Variants in RUNDC3B observed in about 807,000 individuals in gnomAD.
RUNDC3B encodes the protein RUN domain-containing protein 3B.
Under a neutral mutation model 58.4 loss-of-function variants are expected in RUNDC3B, and 33 were observed. The ratio of observed to expected loss-of-function variants is 0.56; its 90% confidence interval spans 0.43 to 0.75. The LOEUF is 0.75. RUNDC3B is among the 30% of genes least tolerant of loss of function. The pLI is 0.00. For synonymous variants in RUNDC3B, 193 were observed against 195.2 expected, an observed-to-expected ratio of 0.99 and a Z score of 0.10; for missense variants, 501 against 535.7, an observed-to-expected ratio of 0.94 and a Z score of 0.64.
At chr7:87,793,350 G>C (rs1219379218) in intron 8 of RUNDC3B, among the ~76,000 whole-genome samples, 2 of 151,890 alleles carry the variant, frequency 1.3e-5, no homozygotes, top group East Asian at 3.9e-4. Context: ...TGTGATACCA[G>C]AACCAGACAA....
chr7:87,635,977 A>G (rs190262534), intron 1 of RUNDC3B, among the ~76,000 whole-genome samples: 41 of 152,190 alleles, frequency 2.7e-4, no homozygotes, highest in Non-Finnish European at 5.4e-4. Context: ...ATATACCACA[A>G]TATTTCCATT....
intron 1 of RUNDC3B, among the ~76,000 whole-genome samples, chr7:87,633,482 G>C (rs1821429688): frequency 6.6e-6 from 1 of 152,176 alleles, no homozygotes. Flanking sequence ...AGTGGCCCCA[G>C]AAGATTATGT....
chr7:87,831,461 A>T lies in RUNDC3B; in HGVS notation c.*1431A>T, dbSNP rs1324904055. On this transcript the variant is annotated 3_prime_UTR_variant, in exon 11 of 11. Coordinates refer to ENST00000394654, the MANE Select transcript of RUNDC3B (RefSeq NM_001134405.2). ...AGTCTTTTATGTAAGACAGTCAAAC[A>T]GTGTCACTTCAGGGACAAAGGCCTG... 2.0e-5 allele frequency: 3 copies of T among 152,010 alleles called. No individual in the cohort carries two copies. The highest frequency in any genetic ancestry group is 4.4e-5 in the Non-Finnish European group (3 of 67,894). 9.4% of individuals were successfully genotyped at this position (152,010 alleles called of 1,614,324 possible).
intron 10 of RUNDC3B, among the ~76,000 whole-genome samples, chr7:87,823,770 T>A (rs1417574030): frequency 6.6e-6 from 1 of 151,264 alleles, no homozygotes. Context: ...TATGAATGAG[T>A]AGTATTCCAT....
intron 4 of RUNDC3B, among the ~76,000 whole-genome samples, chr7:87,722,550 G>A (rs1355154817): frequency 1.3e-5 from 2 of 152,198 alleles, no homozygotes; most frequent in African/African-American, 2.4e-5. Context: ...AAGAAAGTTA[G>A]TATGAGTGTA....
intron 9 of RUNDC3B, among the ~76,000 whole-genome samples, chr7:87,815,396 A>G (rs1313428844): frequency 6.6e-6 from 1 of 152,094 alleles, no homozygotes; most frequent in Non-Finnish European, 1.5e-5. Flanking sequence ...TTGTCCTGTT[A>G]TGTAAAATGT....
chr7:87,709,170 A>G, intron 3 of RUNDC3B: 2 of 765,226 alleles, frequency 2.6e-6, no homozygotes, highest in South Asian at 1.2e-4. Context: ...AATGCAGCCC[A>G]GTTTTGTATG....
chr7:87,754,574 A>G (rs1584111867), intron 6 of RUNDC3B, among the ~76,000 whole-genome samples: 1 of 152,308 alleles, frequency 6.6e-6, no homozygotes, highest in East Asian at 1.9e-4. Flanking sequence ...AGCAAAAGAC[A>G]ATAACCAAAA....
intron 8 of RUNDC3B, among the ~76,000 whole-genome samples, chr7:87,788,714 TTTTTTTCTTTTC>T (rs1835360892): frequency 6.6e-6 from 1 of 151,452 alleles, no homozygotes; most frequent in South Asian, 2.1e-4. Flanking sequence ...TTTTTTTTTT[TTTTTTTCTTTTC>T]TTTTTTTATT....
At chr7:87,756,539 T>G (rs1833384630) in intron 6 of RUNDC3B, among the ~76,000 whole-genome samples, 1 of 152,088 alleles carries the variant, frequency 6.6e-6, no homozygotes, top group Admixed American at 6.6e-5. Context: ...TTGGACTACA[T>G]TTAAACCAGA....
At chr7:87,644,837 A>C (rs1335692380) in intron 1 of RUNDC3B, among the ~76,000 whole-genome samples, 1 of 151,958 alleles carries the variant, frequency 6.6e-6, no homozygotes, top group Non-Finnish European at 1.5e-5. Flanking sequence ...TCTAATAAAA[A>C]CTATAGACAT....
intron 7 of RUNDC3B, among the ~76,000 whole-genome samples, chr7:87,773,698 G>T (rs2130875696): frequency 3.0e-5 from 3 of 99,898 alleles, no homozygotes; most frequent in Non-Finnish European, 6.0e-5. Flanking sequence ...TTTGTTTTGA[G>T]ATGGAGTCTC....
In RUNDC3B at chr7:87,660,323, A is replaced by T. The variant is rs531866209; in HGVS notation, c.238+9386A>T. 6.6e-5 allele frequency among the ~76,000 whole-genome samples: 10 copies of T among 152,014 alleles called. No individual in the cohort carries two copies. In the East Asian group the frequency reaches 1.9e-3, roughly 29 times the overall value. On this transcript the variant is annotated intron_variant, in intron 2 of 10. Transcript: ENST00000394654. ...TCAGGTTGTTGATTTCTTTGATGTTATTCTATTTTGTATTCTCCTTAAAGT... is the reference window on the plus strand; with the variant it reads ...TCAGGTTGTTGATTTCTTTGATGTTTTTCTATTTTGTATTCTCCTTAAAGT...
intron 7 of RUNDC3B, among the ~76,000 whole-genome samples, chr7:87,773,215 C>T (rs993824012): frequency 2.7e-5 from 4 of 149,812 alleles, no homozygotes; most frequent in East Asian, 2.0e-4. Context: ...CCCAGCTACT[C>T]GGGAAGCTGA....
At chr7:87,720,005 A>AG (rs1287749170) in intron 4 of RUNDC3B, among the ~76,000 whole-genome samples, 5 of 150,250 alleles carry the variant, frequency 3.3e-5, no homozygotes, top group African/African-American at 1.2e-4. Flanking sequence ...AAAAAAAAAA[A>AG]AGAGAAAGAA....
intron 10 of RUNDC3B, 35 bp from the exon 11 acceptor site, chr7:87,829,850 C>A: frequency 6.9e-7 from 1 of 1,451,506 alleles, no homozygotes; most frequent in Non-Finnish European, 9.5e-7. Context: ...TCTTGAAGGG[C>A]AATTAATTAT....
intron 2 of RUNDC3B, among the ~76,000 whole-genome samples, chr7:87,673,707 A>T (rs757987313): frequency 1.9e-4 from 29 of 152,138 alleles, no homozygotes; most frequent in Admixed American, 1.7e-3. Context: ...ATTCTATGTC[A>T]CTCATTTCAG....
At chr7:87,646,979 G>A (rs1016207806) in intron 1 of RUNDC3B, among the ~76,000 whole-genome samples, 2 of 152,096 alleles carry the variant, frequency 1.3e-5, no homozygotes, top group African/African-American at 2.4e-5. Flanking sequence ...TTGAGCTCCA[G>A]TTGCTGTTGT....
At chr7:87,662,897 G>GT (rs1243031107) in intron 2 of RUNDC3B, among the ~76,000 whole-genome samples, 2 of 151,910 alleles carry the variant, frequency 1.3e-5, no homozygotes, top group African/African-American at 4.8e-5. Flanking sequence ...ATATCTTTCA[G>GT]TTTTTTTGTG....
Sources: allele counts gnomAD v4.1 joint callset (sites outside exome capture counted in the v4.1 genomes callset), GRCh38; gene constraint gnomAD v4.1.1; transcripts MANE v1.5; gene names NCBI Gene and HGNC (gene_info 2026-07-23, HGNC 2026-07-21).